The following TMEFF2 variants were observed in gnomAD, a reference collection of about 807,000 sequenced individuals.
The protein encoded by TMEFF2 is tomoregulin-2.
A neutral mutation model predicts 53.8 loss-of-function variants in TMEFF2; 28 were observed. The observed-to-expected ratio is 0.52, with a 90% CI of 0.39 to 0.71. The LOEUF (loss-of-function observed/expected upper bound fraction) is 0.71, where lower values mean the gene tolerates loss of function less well. TMEFF2 is among the 30% of genes least tolerant of loss of function. The pLI is 0.00. For missense variants in TMEFF2, 353 were observed against 455.2 expected (o/e 0.78, Z 2.04); for synonymous variants, 162 against 166.3 (o/e 0.97, Z 0.20).
At chr2:192,137,192 G>A (rs1192078311) in intron 4 of TMEFF2, among the ~76,000 whole-genome samples, 1 of 152,172 alleles carries the variant, frequency 6.6e-6, no homozygotes, top group Non-Finnish European at 1.5e-5. Flanking sequence ...GGGAGAGGAG[G>A]CAAGATGAAT....
In TMEFF2 at chr2:192,075,332, T is replaced by TATATATACACAC. The variant is rs796267672; in HGVS notation, c.440-17558_440-17557insGTGTGTATATAT. Among the ~76,000 whole-genome samples, 222 of 88,092 alleles carry TATATATACACAC rather than the reference T, an allele frequency of 2.5e-3. 9 individuals carry two copies. Among genetic ancestry groups the TATATATACACAC allele is most frequent in the East Asian group, 5.2e-3 (7 of 1,356 alleles). 57.8% of individuals were successfully genotyped at this position (88,092 alleles called of 152,430 possible). ...ATATATATATATATATATATATATA[T>TATATATACACAC]ACATACATACTATGTATATCCTTGC... is the stretch of plus-strand genomic sequence containing the variant. On this transcript the variant is annotated intron_variant, in intron 4 of 9. Transcript: ENST00000272771.
At chr2:191,995,123 T>C (rs1211080904) in intron 7 of TMEFF2, among the ~76,000 whole-genome samples, 3 of 152,012 alleles carry the variant, frequency 2.0e-5, no homozygotes, top group Admixed American at 6.6e-5. Flanking sequence ...GCTCCCTTCG[T>C]TTGCATTTAT....
intron 4 of TMEFF2, among the ~76,000 whole-genome samples, chr2:192,160,803 C>T (rs572881803): frequency 1.3e-5 from 2 of 152,096 alleles, no homozygotes; most frequent in South Asian, 2.1e-4. Context: ...TTTGCAGCAG[C>T]AATGATGGCA....
intron 4 of TMEFF2, among the ~76,000 whole-genome samples, chr2:192,103,036 TG>T (rs1689069093): frequency 6.6e-6 from 1 of 152,124 alleles, no homozygotes; most frequent in Non-Finnish European, 1.5e-5. Flanking sequence ...ACATTAATGA[TG>T]GGAATAGTGA....
intron 5 of TMEFF2, among the ~76,000 whole-genome samples, chr2:192,043,395 A>G (rs142823427): frequency 6.6e-6 from 1 of 152,286 alleles, no homozygotes; most frequent in Non-Finnish European, 1.5e-5. Context: ...AAAAATGTAT[A>G]CTGTTAATCT....
intron 4 of TMEFF2, among the ~76,000 whole-genome samples, chr2:192,162,164 A>T (rs1049979247): frequency 6.6e-6 from 1 of 152,174 alleles, no homozygotes; most frequent in Non-Finnish European, 1.5e-5. Flanking sequence ...AAACTTACTT[A>T]GGAGACACTT....
At chr2:192,080,675 G>A (rs1444416912) in intron 4 of TMEFF2, among the ~76,000 whole-genome samples, 1 of 152,118 alleles carries the variant, frequency 6.6e-6, no homozygotes, top group Non-Finnish European at 1.5e-5. Context: ...TGACCAGTTT[G>A]ATGTCTCACA....
At chr2:192,105,482 C>A (rs1053402976) in intron 4 of TMEFF2, among the ~76,000 whole-genome samples, 1 of 151,890 alleles carries the variant, frequency 6.6e-6, no homozygotes, top group African/African-American at 2.4e-5. Flanking sequence ...CCCTCACAAC[C>A]ACCCTTCGAA....
chr2:191,964,368 CTTTCT>C (rs1692387653), intron 7 of TMEFF2, among the ~76,000 whole-genome samples: 1 of 66,066 alleles, frequency 1.5e-5, no homozygotes, highest in Non-Finnish European at 3.0e-5. Flanking sequence ...TTCTTTCTTT[CTTTCT>C]CTTTCTTTCT....
rs1269269296 is a variant in TMEFF2 at position 192,188,869 on chromosome 2, ATCTATCTATCTATCTG to A, written c.282+2995_282+3010del. Among the ~76,000 whole-genome samples, 182 of 147,444 alleles carry A rather than the reference ATCTATCTATCTATCTG, an allele frequency of 1.2e-3. 2 individuals carry two copies. Among genetic ancestry groups the A allele is most frequent in the African/African-American group, 2.4e-3 (95 of 39,724 alleles). On this transcript the variant is annotated intron_variant, in intron 2 of 9. Coordinates refer to ENST00000272771, the MANE Select transcript of TMEFF2 (RefSeq NM_016192.4). ...TATCTATCTATCTATCTATCTATCT[ATCTATCTATCTATCTG>A]TCCATCTACTGTCTCCAAATTTTCA...
intron 7 of TMEFF2, among the ~76,000 whole-genome samples, chr2:191,992,449 A>G (rs890677156): frequency 1.3e-5 from 2 of 152,104 alleles, no homozygotes; most frequent in Admixed American, 6.6e-5. Context: ...TAGGTAAATC[A>G]AGCAAGCACC....
At chr2:192,004,379 T>C (rs1044487826) in intron 5 of TMEFF2, among the ~76,000 whole-genome samples, 13 of 152,224 alleles carry the variant, frequency 8.5e-5, no homozygotes, top group East Asian at 1.9e-4. Flanking sequence ...TACTTCTCAT[T>C]TGTGGTATTT....
At chr2:192,088,063 G>T (rs1039528857) in intron 4 of TMEFF2, among the ~76,000 whole-genome samples, 1 of 152,140 alleles carries the variant, frequency 6.6e-6, no homozygotes, top group East Asian at 1.9e-4. Flanking sequence ...AGAAACTGCA[G>T]CATTTCAGTG....
At chr2:192,075,285 T>TTATATATATATATATATATAAATATA (rs1688383625) in intron 4 of TMEFF2, among the ~76,000 whole-genome samples, 2 of 65,776 alleles carry the variant, frequency 3.0e-5, no homozygotes, top group African/African-American at 1.2e-4. Context: ...TACAGTACTA[T>TTATATATATATATATATATAAATATA]TATATATATA....
intron 4 of TMEFF2, among the ~76,000 whole-genome samples, chr2:192,104,797 A>G (rs554673327): frequency 3.3e-5 from 5 of 152,194 alleles, no homozygotes; most frequent in African/African-American, 1.2e-4. Flanking sequence ...ATATTCAAAG[A>G]AAATTATTTG....
intron 3 of TMEFF2, among the ~76,000 whole-genome samples, chr2:192,180,193 T>C (rs1691151865): frequency 6.6e-6 from 1 of 151,674 alleles, no homozygotes; most frequent in Non-Finnish European, 1.5e-5. Flanking sequence ...AATACCACAA[T>C]TGTGGATGAT....
At chr2:192,009,267 A>G (rs142538563) in intron 5 of TMEFF2, among the ~76,000 whole-genome samples, 17 of 152,250 alleles carry the variant, frequency 1.1e-4, no homozygotes, top group African/African-American at 3.9e-4. Context: ...GCGTGTGTGT[A>G]TATAAAATGA....
At chr2:192,174,445 A>G (rs1367087596) in intron 4 of TMEFF2, among the ~76,000 whole-genome samples, 1 of 151,212 alleles carries the variant, frequency 6.6e-6, no homozygotes, top group African/African-American at 2.4e-5. Flanking sequence ...ATATTTTTCC[A>G]ATTTTGTTAT....
At chr2:191,979,619 A>G (rs370561487) in intron 7 of TMEFF2, among the ~76,000 whole-genome samples, 1 of 152,178 alleles carries the variant, frequency 6.6e-6, no homozygotes, top group Admixed American at 6.5e-5. Flanking sequence ...TTCAAATGCC[A>G]TACATTTGCA....
Sources: gnomAD v4.1 joint callset for allele counts (sites outside exome capture counted in the v4.1 genomes callset) on GRCh38, gnomAD v4.1.1 for gene constraint, MANE v1.5 for transcripts, NCBI Gene and HGNC (gene_info 2026-07-23, HGNC 2026-07-21) for gene names.